Variants in RPS6KC1 observed in about 807,000 individuals in gnomAD.
The protein encoded by RPS6KC1 is inactive ribosomal protein S6 kinase delta-1.
In RPS6KC1, 54 loss-of-function variants were observed where a neutral mutation model predicts 103.8. That is an observed-to-expected ratio of 0.52 (90% CI 0.42 to 0.65). RPS6KC1 has a LOEUF of 0.65. Among genes scored for constraint, RPS6KC1 ranks in the 30% least tolerant of loss-of-function variants. The probability of loss-of-function intolerance (pLI) is 0.00; values close to 1 mark genes in which losing one functional copy is unlikely to be tolerated. For synonymous variants in RPS6KC1, 439 were observed against 438.7 expected (o/e 1.00, Z -0.01); for missense variants, 1,151 against 1,253.8 (o/e 0.92, Z 1.24).
chr1:213,536,303 A>C, the RPS6KC1 span, among the ~76,000 whole-genome samples: 1 of 152,218 alleles, frequency 6.6e-6, no homozygotes, highest in Non-Finnish European at 1.5e-5. Flanking sequence ...GGTTTTGTTA[A>C]GTAATACCTT....
At chr1:213,363,679 T>TCTC in the RPS6KC1 span, among the ~76,000 whole-genome samples, 1 of 89,442 alleles carries the variant, frequency 1.1e-5, no homozygotes, top group Non-Finnish European at 2.3e-5. Context: ...TCTTTCTTTC[T>TCTC]TTCTTTCTTT....
the RPS6KC1 span, among the ~76,000 whole-genome samples, chr1:213,652,173 TTAA>T: frequency 2.0e-5 from 3 of 152,190 alleles, no homozygotes; most frequent in Admixed American, 2.0e-4. Context: ...ATAGACTGGA[TTAA>T]TAATAATAAT....
chr1:213,161,899 T>G (rs1186861520), intron 6 of RPS6KC1, among the ~76,000 whole-genome samples: 1 of 152,196 alleles, frequency 6.6e-6, no homozygotes, highest in Non-Finnish European at 1.5e-5. Context: ...GACTCTAGAT[T>G]CTTCCGTAGA....
the RPS6KC1 span, among the ~76,000 whole-genome samples, chr1:213,734,396 C>T: frequency 6.6e-6 from 1 of 152,060 alleles, no homozygotes; most frequent in East Asian, 1.9e-4. Flanking sequence ...GAATAATTAC[C>T]CATGTTTTAT....
chr1:213,284,180 TAAAG>T, the RPS6KC1 span, among the ~76,000 whole-genome samples: 175 of 152,042 alleles, frequency 1.2e-3, no homozygotes, highest in African/African-American at 3.5e-3. Flanking sequence ...AATTAGAAAT[TAAAG>T]AAATATTATT....
At chr1:213,477,212 T>G in the RPS6KC1 span, among the ~76,000 whole-genome samples, 1 of 152,222 alleles carries the variant, frequency 6.6e-6, no homozygotes, top group Non-Finnish European at 1.5e-5. Flanking sequence ...ATATTTAAAG[T>G]TTTATTTATG....
chr1:213,363,779 TTTCTTTCTTTC>T, the RPS6KC1 span, among the ~76,000 whole-genome samples: 1 of 95,588 alleles, frequency 1.0e-5, no homozygotes, highest in Non-Finnish European at 2.0e-5. Flanking sequence ...TCTTTCTTTC[TTTCTTTCTTTC>T]TTTCTTTCTT....
intron 2 of RPS6KC1, among the ~76,000 whole-genome samples, chr1:213,074,603 C>T (rs967136340): frequency 7.2e-5 from 11 of 151,998 alleles, no homozygotes; most frequent in East Asian, 3.9e-4. Flanking sequence ...TGACATTTTG[C>T]GATGCTGTTA....
At chr1:213,065,232 C>T (rs2078226463) in intron 1 of RPS6KC1, among the ~76,000 whole-genome samples, 1 of 152,162 alleles carries the variant, frequency 6.6e-6, no homozygotes, top group Non-Finnish European at 1.5e-5. Context: ...TCCTCGGCCT[C>T]CCAAAGTGCT....
intron 8 of RPS6KC1, among the ~76,000 whole-genome samples, chr1:213,182,763 T>C (rs542053669): frequency 3.8e-4 from 57 of 148,992 alleles, no homozygotes; most frequent in South Asian, 2.3e-3. Flanking sequence ...ACATATATCA[T>C]GATACATATA....
intron 1 of RPS6KC1, among the ~76,000 whole-genome samples, chr1:213,058,462 A>G (rs977491535): frequency 1.3e-5 from 2 of 148,454 alleles, no homozygotes; most frequent in Admixed American, 1.3e-4. Context: ...GTTTTTTTAT[A>G]AGGTGTAAGG....
chr1:213,800,078 C>T, the RPS6KC1 span, among the ~76,000 whole-genome samples: 1 of 152,146 alleles, frequency 6.6e-6, no homozygotes, highest in African/African-American at 2.4e-5. Context: ...ATGACCTCCT[C>T]TAAACCTAAT....
the RPS6KC1 span, among the ~76,000 whole-genome samples, chr1:213,849,586 C>G: frequency 6.6e-6 from 1 of 152,070 alleles, no homozygotes; most frequent in Non-Finnish European, 1.5e-5. Flanking sequence ...TTTTTCTCAG[C>G]TATTTTCATA....
the RPS6KC1 span, among the ~76,000 whole-genome samples, chr1:213,749,174 T>G: frequency 6.6e-6 from 1 of 152,196 alleles, no homozygotes; most frequent in African/African-American, 2.4e-5. Context: ...ATGGAAAGCA[T>G]TTGGCATATG....
rs534053645 is a variant in RPS6KC1 at position 213,244,712 on chromosome 1, C to A, written c.2911+2054C>A. On this transcript the variant is annotated intron_variant, in intron 12 of 14. Coordinates refer to ENST00000366960, the MANE Select transcript of RPS6KC1 (RefSeq NM_012424.6). ...CTGAAATACCGAATTTAATACAGAT[C>A]GGTTTCTAAGTTCTAATTTTTAAGC... 3.9e-5 allele frequency among the ~76,000 whole-genome samples: 6 copies of A among 152,220 alleles called. No individual in the cohort carries two copies. In the South Asian group the frequency reaches 1.0e-3, roughly 26 times the overall value.
the RPS6KC1 span, among the ~76,000 whole-genome samples, chr1:213,545,155 C>A: frequency 2.6e-5 from 4 of 152,032 alleles, no homozygotes; most frequent in Non-Finnish European, 5.9e-5. Flanking sequence ...CATCTGAGGT[C>A]AGGAGTTCGA....
the RPS6KC1 span, among the ~76,000 whole-genome samples, chr1:213,311,574 T>G: frequency 6.6e-6 from 1 of 152,164 alleles, no homozygotes; most frequent in Non-Finnish European, 1.5e-5. Context: ...GAAGAGAGGT[T>G]GAAATTCCTG....
At chr1:213,248,766 C>T (rs2094496533) in intron 12 of RPS6KC1, among the ~76,000 whole-genome samples, 1 of 152,144 alleles carries the variant, frequency 6.6e-6, no homozygotes, top group Non-Finnish European at 1.5e-5. Context: ...CATGATTCTC[C>T]TATCAAGCCA....
chr1:213,554,035 C>A, the RPS6KC1 span, among the ~76,000 whole-genome samples: 5 of 152,136 alleles, frequency 3.3e-5, no homozygotes, highest in Middle Eastern at 3.4e-3. Flanking sequence ...TAATTAGGCC[C>A]CACCTGTTAA....
Sources: gnomAD v4.1 joint callset for allele counts (sites outside exome capture counted in the v4.1 genomes callset) on GRCh38, gnomAD v4.1.1 for gene constraint, MANE v1.5 for transcripts, NCBI Gene and HGNC (gene_info 2026-07-23, HGNC 2026-07-21) for gene names.